The following FSHR variants were observed in gnomAD, a reference collection of about 807,000 sequenced individuals.
FSHR encodes follicle stimulating hormone receptor, also known as follicle-stimulating hormone receptor.
FSHR carries 46 observed loss-of-function variants against 52.1 expected under a neutral mutation model. The ratio of observed to expected loss-of-function variants is 0.88; its 90% CI spans 0.70 to 1.13. The LOEUF is 1.13. Ranked by LOEUF, FSHR falls within the 50% of genes most tolerant of loss-of-function variation. FSHR has a pLI of 0.00. For missense variants in FSHR, 964 were observed against 834.6 expected, an observed-to-expected ratio of 1.16 and a Z score of -1.91; for synonymous variants, 399 against 309.6, an observed-to-expected ratio of 1.29 and a Z score of -3.03.
intron 1 of FSHR, among the ~76,000 whole-genome samples, chr2:49,123,815 T>A (rs542717704): frequency 4.6e-4 from 70 of 152,054 alleles, no homozygotes; most frequent in African/African-American, 1.6e-3. Flanking sequence ...ATGTTGACAA[T>A]CAAATGAGTA....
At chr2:48,970,862 C>G (rs1243628341) in intron 8 of FSHR, among the ~76,000 whole-genome samples, 1 of 152,184 alleles carries the variant, frequency 6.6e-6, no homozygotes. Context: ...ATCCTTGACT[C>G]CCTCATGGGA....
chr2:49,021,709 T>A (rs968745244), intron 2 of FSHR, among the ~76,000 whole-genome samples: 1 of 151,474 alleles, frequency 6.6e-6, no homozygotes, highest in South Asian at 2.1e-4. Context: ...CCCCCATGAA[T>A]GAGGAGACAT....
At chr2:49,131,926 C>T (rs1672294090) in intron 1 of FSHR, among the ~76,000 whole-genome samples, 1 of 152,104 alleles carries the variant, frequency 6.6e-6, no homozygotes, top group Non-Finnish European at 1.5e-5. Context: ...GTGTAGTTAC[C>T]TCTTCTTTTA....
At chr2:49,080,928 A>G (rs1442165147) in intron 1 of FSHR, among the ~76,000 whole-genome samples, 1 of 152,190 alleles carries the variant, frequency 6.6e-6, no homozygotes, top group East Asian at 1.9e-4. Flanking sequence ...ACAACTAGGG[A>G]CATCCACTAC....
chr2:49,058,535 ACT>A (rs930389649), intron 2 of FSHR, among the ~76,000 whole-genome samples: 1 of 151,896 alleles, frequency 6.6e-6, no homozygotes, highest in African/African-American at 2.4e-5. Context: ...ACAGAGCAAG[ACT>A]CTGTTTCAAC....
intron 1 of FSHR, among the ~76,000 whole-genome samples, chr2:49,083,615 A>G (rs1473129226): frequency 1.3e-5 from 2 of 149,802 alleles, no homozygotes; most frequent in Non-Finnish European, 3.0e-5. Flanking sequence ...ACGTGCAGAG[A>G]CACACATAGG....
At chr2:49,000,434 G>A (rs1427582282) in intron 4 of FSHR, among the ~76,000 whole-genome samples, 2 of 152,272 alleles carry the variant, frequency 1.3e-5, no homozygotes, top group East Asian at 3.9e-4. Flanking sequence ...CACTATTGAT[G>A]TTTGTGCTTT....
intron 1 of FSHR, among the ~76,000 whole-genome samples, chr2:49,084,165 C>G (rs57761749): frequency 0.052 from 7,900 of 152,236 alleles, 455 homozygotes; most frequent in East Asian, 0.22. Context: ...ACAGTGCAAT[C>G]AAACTAGAAC....
At chr2:49,139,263 C>G (rs896085318) in intron 1 of FSHR, among the ~76,000 whole-genome samples, 2 of 152,142 alleles carry the variant, frequency 1.3e-5, no homozygotes, top group African/African-American at 4.8e-5. Context: ...TTTCTCAACC[C>G]TTCAGTTCCT....
chr2:49,101,823 A>G (rs11888021), intron 1 of FSHR, among the ~76,000 whole-genome samples: 4,875 of 152,248 alleles, frequency 0.032, 261 homozygotes, highest in African/African-American at 0.11. Context: ...AAGGGGCCAC[A>G]TCTGATGAGG....
intron 1 of FSHR, among the ~76,000 whole-genome samples, chr2:49,115,674 A>G (rs1024614221): frequency 1.8e-4 from 27 of 152,166 alleles, no homozygotes; most frequent in African/African-American, 6.5e-4. Context: ...ACAAGGGTAA[A>G]GAAATCATGC....
rs1191771854 is a variant in FSHR at position 48,983,115 on chromosome 2, T to C, written c.576A>G (p.Gly192=). 4.3e-6 allele frequency: 7 copies of C among 1,614,136 alleles called. No homozygotes were observed. The highest frequency in any genetic ancestry group is 1.7e-5 in the Admixed American group (1 of 60,026). ...CTACTTACAGCTCATCTAGTTGGGTTCCATTGAATGCACAGTTGTGTATTT... is the reference window on the plus strand; with the variant it reads ...CTACTTACAGCTCATCTAGTTGGGTCCCATTGAATGCACAGTTGTGTATTT... ...IQEIHNCAFN[G]TQLDELNLSD... is the part of the protein sequence containing the mutation. Residue 192 remains glycine (G), a synonymous_variant, in exon 7 of 10, where the codon GGA becomes GGG. Coordinates refer to ENST00000406846, the MANE Select transcript of FSHR (RefSeq NM_000145.4).
chr2:49,133,975 A>T lies in FSHR; in HGVS notation c.152+20291T>A, dbSNP rs542935999. Among the ~76,000 whole-genome samples the T allele has an allele frequency of 7.9e-5, 12 of 152,346 alleles. No homozygotes were observed. The South Asian group carries it at 1.5e-3, about 18-fold the overall frequency. On this transcript the variant is annotated intron_variant, in intron 1 of 9. Transcript: ENST00000406846. ...TAAAACCTAAAAACCCTAGAAGGAAACCTAGGCAATACCATTAAGACCACA... is the reference window on the plus strand; with the variant it reads ...TAAAACCTAAAAACCCTAGAAGGAATCCTAGGCAATACCATTAAGACCACA...
intron 1 of FSHR, among the ~76,000 whole-genome samples, chr2:49,079,218 T>A (rs576927352): frequency 4.4e-3 from 676 of 152,112 alleles, no homozygotes; most frequent in Non-Finnish European, 6.9e-3. Context: ...AATACTTAAT[T>A]GAAAAAAAAT....
At chr2:49,139,703 T>C (rs894776266) in intron 1 of FSHR, among the ~76,000 whole-genome samples, 2 of 151,616 alleles carry the variant, frequency 1.3e-5, no homozygotes, top group Admixed American at 6.6e-5. Flanking sequence ...GTTCACGCCA[T>C]TCTCCTGCCT....
chr2:49,136,262 TTAGA>T (rs1194381361), intron 1 of FSHR, among the ~76,000 whole-genome samples: 1 of 152,020 alleles, frequency 6.6e-6, no homozygotes, highest in African/African-American at 2.4e-5. Context: ...AATTTATAAC[TTAGA>T]TAAATTTGGA....
intron 1 of FSHR, among the ~76,000 whole-genome samples, chr2:49,126,557 C>G (rs1672003589): frequency 6.6e-6 from 1 of 152,116 alleles, no homozygotes; most frequent in Non-Finnish European, 1.5e-5. Context: ...GAAGAGTAAA[C>G]TAGACATGAA....
chr2:49,145,748 A>G (rs1330913729), intron 1 of FSHR, among the ~76,000 whole-genome samples: 1 of 151,980 alleles, frequency 6.6e-6, no homozygotes, highest in Non-Finnish European at 1.5e-5. Context: ...TGCCTTTCCT[A>G]TTGATTGTTT....
chr2:48,998,784 T>C (rs1159920113), intron 4 of FSHR, among the ~76,000 whole-genome samples: 1 of 151,948 alleles, frequency 6.6e-6, no homozygotes, highest in Non-Finnish European at 1.5e-5. Flanking sequence ...AAAAGCATAT[T>C]CCATGAAAAT....
Sources: allele counts gnomAD v4.1 joint callset (sites outside exome capture counted in the v4.1 genomes callset), GRCh38; gene constraint gnomAD v4.1.1; transcripts MANE v1.5; gene names NCBI Gene and HGNC (gene_info 2026-07-23, HGNC 2026-07-21).